NDUFS2: variants seen among roughly 807,000 people sequenced by gnomAD.
NDUFS2 encodes the protein NADH dehydrogenase [ubiquinone] iron-sulfur protein 2, mitochondrial.
In NDUFS2, 38 loss-of-function variants were observed where a neutral mutation model predicts 69.6. The observed-to-expected ratio is 0.55, with a 90% CI of 0.42 to 0.72. The LOEUF (loss-of-function observed/expected upper bound fraction) is 0.72, where lower values mean the gene tolerates loss of function less well. Among genes scored for constraint, NDUFS2 ranks in the 30% least tolerant of loss-of-function variants. The pLI is 0.00. For synonymous variants in NDUFS2, 194 were observed against 211.2 expected (o/e 0.92, Z 0.70); for missense variants, 468 against 595.0 (o/e 0.79, Z 2.22).
chr1:161,210,715 G>C lies in NDUFS2; in HGVS notation c.986+5G>C. 6.2e-7 allele frequency: 1 copy of C among 1,613,992 alleles called. No individual in the cohort carries two copies. Among genetic ancestry groups the C allele is most frequent in the Non-Finnish European group, 8.5e-7 (1 of 1,179,968 alleles). On this transcript the variant is annotated splice_donor_5th_base_variant and intron_variant, in intron 9 of 13. Transcript: ENST00000676972. ...TCGAGGGGACTGCTATGATAGGTAA[G>C]GCCCCAATCCTTTCTTGGCTGATAT...
intron 10 of NDUFS2, 143 bp downstream of exon 10, chr1:161,212,623 A>C (rs754902263): frequency 3.6e-6 from 4 of 1,096,398 alleles, no homozygotes; most frequent in Non-Finnish European, 5.1e-6. Flanking sequence ...ACTGGAGTGC[A>C]ATCTCGGCTA....
chr1:161,198,839 C>T (rs1664987343), upstream of NDUFS2: 1 of 497,908 alleles, frequency 2.0e-6, no homozygotes, highest in Admixed American at 3.6e-5. The surrounding 1 kb of genome is among the most constrained non-coding windows in gnomAD (Gnocchi z 4.7). Flanking sequence ...CTGGCTTCTC[C>T]AAACTCTCCT....
chr1:161,210,636 G>A lies in NDUFS2; in HGVS notation c.912G>A (p.Lys304=), dbSNP rs1475853272. 1 of 1,614,148 alleles carries A rather than the reference G, an allele frequency of 6.2e-7. No individual in the cohort carries two copies. The highest frequency in any genetic ancestry group is 1.7e-5 in the Admixed American group (1 of 60,018). The change falls in exon 9 of 14, where the codon AAG becomes AAA. Residue 304 remains lysine (K), a synonymous_variant. Transcript: ENST00000676972. ...CAGGCATCCAGTGGGACCTGCGGAA[G>A]ACCCAGCCCTATGATGTTTACGACC... is the stretch of plus-strand genomic sequence containing the variant. ...RGSGIQWDLR[K]TQPYDVYDQV...
chr1:161,210,421 T>C (rs1370675399), intron 8 of NDUFS2, 32 bp downstream of exon 8: 3 of 1,604,920 alleles, frequency 1.9e-6, no homozygotes, highest in Non-Finnish European at 2.6e-6. Flanking sequence ...TCCGTAGGAG[T>C]GGGGGTGGGA....
upstream of NDUFS2, chr1:161,199,375 G>T (rs3813623): frequency 0.12 from 18,649 of 152,320 alleles, 1,445 homozygotes; most frequent in East Asian, 0.33. Flanking sequence ...ATAGGATCAC[G>T]GTCCTGGGAG....
upstream of NDUFS2, among the ~76,000 whole-genome samples, chr1:161,201,523 G>C (rs187948244): frequency 4.1e-4 from 62 of 152,352 alleles, 1 homozygote; most frequent in East Asian, 9.6e-3. Flanking sequence ...ATTGTGATCA[G>C]ACTCCTGGTG....
rs3924264 is a variant in NDUFS2, at chr1:161,208,894, T to C, written c.394-299T>C. Reference sequence around the variant, plus strand: ...AATGGTGTGGTATTCTTCCCAATGCTGCATTCAGTTACATGATATTGGTAA... The same window carrying C: ...AATGGTGTGGTATTCTTCCCAATGCCGCATTCAGTTACATGATATTGGTAA... On this transcript the variant is annotated intron_variant, in intron 3 of 13. Transcript: ENST00000676972. 0.39 allele frequency among the ~76,000 whole-genome samples: 58,832 copies of C among 152,094 alleles called. 11,561 individuals carry two copies. Among genetic ancestry groups the C allele is most frequent in the East Asian group, 0.49 (2,544 of 5,186 alleles).
chr1:161,198,376 G>A, upstream of NDUFS2: 1 of 1,612,816 alleles, frequency 6.2e-7, no homozygotes, highest in Non-Finnish European at 8.5e-7. This position sits in a 1 kb window ranked among gnomAD's most constrained non-coding sequence, Gnocchi z 4.7. Flanking sequence ...AGGCCTGCAA[G>A]CGGCACAACA....
At chr1:161,210,791 C>A in intron 9 of NDUFS2, 81 bp downstream of exon 9, 1 of 1,600,146 alleles carries the variant, frequency 6.2e-7, no homozygotes, top group Admixed American at 1.7e-5. Flanking sequence ...TCCTTCTTTA[C>A]CCTACTTCTC....
At chr1:161,202,360 T>A (rs964824584), upstream of NDUFS2, 8 of 1,600,198 alleles carry the variant, frequency 5.0e-6, no homozygotes, top group Non-Finnish European at 6.0e-6. Flanking sequence ...CCGGTTCTCC[T>A]TCCCGCAGTC....
In NDUFS2 at chr1:161,214,229, GCTT is replaced by G; in HGVS notation, c.*42_*44del. 6.3e-7 allele frequency: 1 copy of G among 1,586,428 alleles called. No homozygotes were observed. Among genetic ancestry groups the G allele is most frequent in the Non-Finnish European group, 8.7e-7 (1 of 1,155,640 alleles). Reference sequence around the variant, plus strand: ...AGCGTTTGATCCCCCCTGCCTATCAGCTTCTTCTGTGGAGCCTGTTCCTCACTG... The same window carrying G: ...AGCGTTTGATCCCCCCTGCCTATCAGCTTCTGTGGAGCCTGTTCCTCACTG... On this transcript the variant is annotated 3_prime_UTR_variant, in exon 14 of 14. Coordinates refer to ENST00000676972, the MANE Select transcript of NDUFS2 (RefSeq NM_001377299.1).
upstream of NDUFS2, chr1:161,198,811 G>A: frequency 1.8e-6 from 1 of 569,716 alleles, no homozygotes; most frequent in Non-Finnish European, 3.0e-6. The surrounding 1 kb of genome is among the most constrained non-coding windows in gnomAD (Gnocchi z 4.7). Context: ...CTTGGGCTTG[G>A]GAGAGGTGCC....
At chr1:161,211,896 G>T (rs1558086208) in intron 9 of NDUFS2, among the ~76,000 whole-genome samples, 1 of 152,020 alleles carries the variant, frequency 6.6e-6, no homozygotes, top group Non-Finnish European at 1.5e-5. Context: ...AGAGGGTTTG[G>T]GGAAGCACCC....
chr1:161,198,749 A>G, upstream of NDUFS2: 1 of 942,896 alleles, frequency 1.1e-6, no homozygotes, highest in Non-Finnish European at 1.5e-6. The surrounding 1 kb of genome is among the most constrained non-coding windows in gnomAD (Gnocchi z 4.7). Flanking sequence ...GGTCAGAGGC[A>G]AAGTTTTCAG....
intron 1 of NDUFS2, 82 bp downstream of exon 1, chr1:161,202,562 T>G: frequency 7.4e-7 from 1 of 1,357,134 alleles, no homozygotes; most frequent in South Asian, 1.2e-5. Context: ...CCCCAGAAAA[T>G]AATAACCCAA....
In NDUFS2 at chr1:161,213,908, C is replaced by A; in HGVS notation, c.1341C>A (p.Val447=). 1 of 1,614,164 alleles carries A rather than the reference C, an allele frequency of 6.2e-7. No individual in the cohort carries two copies. The highest frequency in any genetic ancestry group is 2.2e-5 in the East Asian group (1 of 44,890). The change falls in exon 13 of 14, where the codon GTC becomes GTA. Residue 447 remains valine (V), a synonymous_variant. Transcript: ENST00000676972. ...KMSKGHMLAD[V]VAIIGTQDIV... is the part of the protein sequence containing the mutation. ...CTAAGGGACACATGTTGGCAGATGT[C>A]GTTGCCATCATAGGTACGAGGCCTA...
chr1:161,206,662 G>A lies in NDUFS2; in HGVS notation c.393+65G>A, dbSNP rs569006299. The A allele has an allele frequency of 4.6e-4, 710 of 1,551,960 alleles. 8 individuals carry two copies. The South Asian group carries it at 7.8e-3, about 17-fold the overall frequency. On this transcript the variant is annotated intron_variant, in intron 3 of 13. Coordinates refer to ENST00000676972, the MANE Select transcript of NDUFS2 (RefSeq NM_001377299.1). Reference sequence around the variant, plus strand: ...GTTGCTTTAGCCTGGGGCTTTGCCAGTTTGCTGCCCTTAAAACGTGAGGGG... The same window carrying A: ...GTTGCTTTAGCCTGGGGCTTTGCCAATTTGCTGCCCTTAAAACGTGAGGGG...
At chr1:161,206,703 G>C in intron 3 of NDUFS2, 106 bp downstream of exon 3, 1 of 1,205,350 alleles carries the variant, frequency 8.3e-7, no homozygotes, top group Admixed American at 2.1e-5. Context: ...GGTGTTGAGA[G>C]GAGTAACCCG....
Position 161,214,285 on chromosome 1 carries a change from G to GTGTGTGTC in NDUFS2, c.*99_*100insCTGTGTGT, listed in dbSNP as rs1323775587. The GTGTGTGTC allele has an allele frequency of 1.8e-6, 2 of 1,117,924 alleles. No individual in the cohort carries two copies. Among genetic ancestry groups the GTGTGTGTC allele is most frequent in the African/African-American group, 3.1e-5 (2 of 65,108 alleles). The allele number at this position is 1,117,924 out of a possible 1,614,324, so 69.3% of individuals were successfully genotyped here. A position where few individuals can be genotyped will look rare whatever the true frequency, so the allele number is the denominator to read the frequency against. Reference sequence around the variant, plus strand: ...AATTGGCCTCTGTGTGTGTGTGTGTGTGTGTGTGTGTGTGTATGTTCATGT... The same window carrying GTGTGTGTC: ...AATTGGCCTCTGTGTGTGTGTGTGTGTGTGTGTCTGTGTGTGTGTGTGTATGTTCATGT... On this transcript the variant is annotated 3_prime_UTR_variant, in exon 14 of 14. Coordinates refer to ENST00000676972, the MANE Select transcript of NDUFS2 (RefSeq NM_001377299.1).
Sources: gnomAD v4.1 joint callset for allele counts (sites outside exome capture counted in the v4.1 genomes callset) on GRCh38, gnomAD v4.1.1 for gene constraint, Gnocchi (gnomAD v3.1) non-coding constraint, MANE v1.5 for transcripts, NCBI Gene and HGNC (gene_info 2026-07-23, HGNC 2026-07-21) for gene names.